GPC3: variants seen among roughly 807,000 people sequenced by gnomAD.
GPC3 encodes glypican-3.
Under a neutral mutation model 34.4 loss-of-function variants are expected in GPC3, and 3 were observed. The observed-to-expected ratio is 0.09, with a 90% CI of 0.04 to 0.23. The LOEUF (loss-of-function observed/expected upper bound fraction) is 0.23, where lower values mean the gene tolerates loss of function less well. Among genes scored for constraint, GPC3 ranks in the 10% least tolerant of loss-of-function variants. The probability of loss-of-function intolerance (pLI) is 1.00; values close to 1 mark genes in which losing one functional copy is unlikely to be tolerated. For missense variants in GPC3, 351 were observed against 445.6 expected, an observed-to-expected ratio of 0.79 and a Z score of 1.91; for synonymous variants, 177 against 174.0, an observed-to-expected ratio of 1.02 and a Z score of -0.13.
At chrX:133,668,983 C>T (rs2070798952) in intron 5 of GPC3, among the ~76,000 whole-genome samples, 2 of 112,120 alleles carry the variant, frequency 1.8e-5, no homozygotes, top group Non-Finnish European at 1.9e-5. Context: ...CCAGCAGCAT[C>T]GCCACAAAGC....
At chrX:133,796,777 C>T (rs1323199897) in intron 2 of GPC3, among the ~76,000 whole-genome samples, 2 of 111,616 alleles carry the variant, frequency 1.8e-5, no homozygotes, top group East Asian at 5.7e-4. Flanking sequence ...AACTTTTTAG[C>T]TTTGCCTTTA....
In GPC3 at chrX:133,548,677, G is replaced by C. The variant is rs1282043079; in HGVS notation, c.1574-12384C>G. ...ATCTCTCCCTCATTGATATAGTTTG[G>C]CTGTGTCCCTACCCAAATCTCATCT... On this transcript the variant is annotated intron_variant, in intron 7 of 7. Coordinates refer to ENST00000370818, the MANE Select transcript of GPC3 (RefSeq NM_004484.4). Among the ~76,000 whole-genome samples, 3 of 111,475 alleles carry C rather than the reference G, an allele frequency of 2.7e-5. No individual in the cohort carries two copies. The Admixed American group carries it at 2.9e-4, about 11-fold the overall frequency.
chrX:133,768,835 G>A (rs1243898098), intron 2 of GPC3, among the ~76,000 whole-genome samples: 1 of 110,572 alleles, frequency 9.0e-6, no homozygotes, highest in Non-Finnish European at 1.9e-5. Context: ...AGCTACCCAG[G>A]AGGTTGAGGC....
At chrX:133,619,276 G>C (rs1468192535) in intron 6 of GPC3, among the ~76,000 whole-genome samples, 1 of 112,171 alleles carries the variant, frequency 8.9e-6, no homozygotes, top group Non-Finnish European at 1.9e-5. Flanking sequence ...ACAGTTTGGT[G>C]GTTCTTCAAT....
intron 4 of GPC3, among the ~76,000 whole-genome samples, chrX:133,696,595 G>C (rs1199880985): frequency 3.6e-5 from 4 of 112,223 alleles, no homozygotes; most frequent in Non-Finnish European, 5.6e-5. Context: ...ACACAGTCCA[G>C]ATTTTTTTCC....
intron 2 of GPC3, among the ~76,000 whole-genome samples, chrX:133,870,360 G>C (rs997386337): frequency 4.5e-5 from 5 of 111,415 alleles, no homozygotes; most frequent in East Asian, 2.8e-4. Context: ...TTTTTCTTTA[G>C]TAAGTGCCAA....
chrX:133,880,690 G>A (rs1215343823), intron 2 of GPC3, among the ~76,000 whole-genome samples: 1 of 111,881 alleles, frequency 8.9e-6, no homozygotes, highest in Admixed American at 9.5e-5. Context: ...TTTATCCAAA[G>A]ATCAGGAAAA....
chrX:133,762,303 T>C (rs979695665), intron 2 of GPC3, among the ~76,000 whole-genome samples: 1 of 111,974 alleles, frequency 8.9e-6, no homozygotes, highest in Non-Finnish European at 1.9e-5. Flanking sequence ...GACACTGGCC[T>C]TGGGAAAGAA....
chrX:133,943,741 C>G (rs1463044823), intron 2 of GPC3, among the ~76,000 whole-genome samples: 3 of 111,791 alleles, frequency 2.7e-5, no homozygotes, highest in Non-Finnish European at 5.6e-5. Context: ...GGTTCTTGTT[C>G]ACAAGGTGCA....
intron 2 of GPC3, among the ~76,000 whole-genome samples, chrX:133,912,886 G>T (rs755236170): frequency 9.1e-6 from 1 of 110,409 alleles, no homozygotes; most frequent in African/African-American, 3.3e-5. Flanking sequence ...TTACTATTAG[G>T]CAGTAAGAAA....
intron 1 of GPC3, among the ~76,000 whole-genome samples, chrX:133,961,142 AATC>A (rs1287473463): frequency 9.0e-6 from 1 of 111,728 alleles, no homozygotes. Flanking sequence ...TGGCGAAAGA[AATC>A]ATCTTAGGGA....
intron 7 of GPC3, among the ~76,000 whole-genome samples, chrX:133,588,179 C>T (rs940726097): frequency 4.5e-5 from 5 of 111,126 alleles, no homozygotes; most frequent in South Asian, 7.7e-4. Flanking sequence ...CTACAACTTA[C>T]GTGACAAAGA....
At position 133,768,239 on chromosome X, in the gene GPC3, G is replaced by A. The variant is rs778769626; in HGVS notation, c.338-14063C>T. ...AGAGTTTCACAATTTACTGAGCATC[G>A]AGCGCCTAAAGTAAAGAATTCACTC... On this transcript the variant is annotated intron_variant, in intron 2 of 7. Transcript: ENST00000370818. 8.1e-5 allele frequency among the ~76,000 whole-genome samples: 9 copies of A among 111,149 alleles called. No individual in the cohort carries two copies. In the South Asian group the frequency reaches 3.5e-3, roughly 43 times the overall value.
chrX:133,836,525 C>T (rs1184070953), intron 2 of GPC3, among the ~76,000 whole-genome samples: 3 of 111,730 alleles, frequency 2.7e-5, no homozygotes, highest in Non-Finnish European at 5.6e-5. Context: ...AGCTTTGAAC[C>T]GCTGAACTGG....
intron 7 of GPC3, among the ~76,000 whole-genome samples, chrX:133,588,386 AAAAC>A (rs1376717642): frequency 1.2e-4 from 13 of 111,275 alleles, no homozygotes; most frequent in South Asian, 1.2e-3. Context: ...AAAAAAACAA[AAAAC>A]AAACAAACAA....
intron 2 of GPC3, among the ~76,000 whole-genome samples, chrX:133,925,000 T>C (rs1013764067): frequency 9.2e-6 from 1 of 108,249 alleles, no homozygotes; most frequent in African/African-American, 3.4e-5. Flanking sequence ...GAGGCAGAGG[T>C]TGCAATGAGC....
chrX:133,985,169 G>C, intron 1 of GPC3, 106 bp downstream of exon 1: 1 of 897,119 alleles, frequency 1.1e-6, no homozygotes, highest in Non-Finnish European at 1.6e-6. Flanking sequence ...CCCAGCTGCA[G>C]GGCGCACGAC....
chrX:133,881,694 CT>C (rs1281113984), intron 2 of GPC3, among the ~76,000 whole-genome samples: 1 of 111,885 alleles, frequency 8.9e-6, no homozygotes. Flanking sequence ...GAACTAAGTC[CT>C]TTTTTTCCCT....
intron 2 of GPC3, among the ~76,000 whole-genome samples, chrX:133,830,666 G>A (rs1431876607): frequency 1.6e-4 from 11 of 67,217 alleles, no homozygotes; most frequent in East Asian, 1.1e-3. Flanking sequence ...CAACAAAAGC[G>A]AGACTCCATC....
Sources: gnomAD v4.1 joint callset for allele counts (sites outside exome capture counted in the v4.1 genomes callset) on GRCh38, gnomAD v4.1.1 for gene constraint, MANE v1.5 for transcripts, NCBI Gene and HGNC (gene_info 2026-07-23, HGNC 2026-07-21) for gene names.